CCDC183: variants seen among roughly 807,000 people sequenced by gnomAD.
CCDC183 encodes coiled-coil domain containing 183.
CCDC183 carries 63 observed loss-of-function variants against 65.2 expected under a neutral mutation model. The ratio of observed to expected loss-of-function variants is 0.97; its 90% CI spans 0.79 to 1.19. The LOEUF is 1.19. CCDC183 is among the 50% of genes most tolerant of loss of function. The pLI is 0.00. For synonymous variants in CCDC183, 323 were observed against 276.5 expected, an observed-to-expected ratio of 1.17 and a Z score of -1.67; for missense variants, 769 against 689.3, an observed-to-expected ratio of 1.12 and a Z score of -1.30.
intron 5 of CCDC183, 87 bp from the exon 6 acceptor site, chr9:136,802,577 T>C (rs1192975418): frequency 6.6e-7 from 1 of 1,518,616 alleles, no homozygotes; most frequent in Non-Finnish European, 8.8e-7. Flanking sequence ...CCTATCACTG[T>C]TCTCAGGGCT....
chr9:136,801,942 C>G (rs12339954), intron 5 of CCDC183, among the ~76,000 whole-genome samples: 1,532 of 152,040 alleles, frequency 0.01, 28 homozygotes, highest in African/African-American at 0.035. Flanking sequence ...CGCCCACTAC[C>G]ACGCCCGGCT....
rs778005681 is a variant in CCDC183, at chr9:136,804,507, C to T, written c.672C>T (p.Asn224=). The T allele has an allele frequency of 3.1e-6, 5 of 1,612,638 alleles. No individual in the cohort carries two copies. The highest frequency in any genetic ancestry group is 4.2e-6 in the Non-Finnish European group (5 of 1,179,772). Residue 224 remains asparagine (N), a synonymous_variant, in exon 7 of 14, where the codon AAC becomes AAT. Transcript: ENST00000338005. The surrounding 1 kb of genome is among the most constrained non-coding windows in gnomAD (Gnocchi z 4.1). ...AMMITDEVKR[N]MRQREASFIE... ...GCCCACCCGCATGTCCCCAGAGGAACATGAGGCAAAGGGAGGCGTCCTTCA... is the reference window on the plus strand; with the variant it reads ...GCCCACCCGCATGTCCCCAGAGGAATATGAGGCAAAGGGAGGCGTCCTTCA...
chr9:136,805,387 T>A lies in CCDC183; in HGVS notation c.878T>A (p.Met293Lys), dbSNP rs191696565. ...AGAAAAGAGACCTCCACAGCAGAAA[T>A]GGAATACCAGTCGGGCGTGACTGCT... is the stretch of plus-strand genomic sequence containing the variant. ...LRRKETSTAE[M>K]EYQSGVTAVV... is the part of the protein sequence containing the mutation. Residue 293 changes from methionine to lysine, a missense_variant, in exon 9 of 14, where the codon ATG becomes AAG. Coordinates refer to ENST00000338005, the MANE Select transcript of CCDC183 (RefSeq NM_001039374.5). 4 of 1,613,824 alleles carry A rather than the reference T, an allele frequency of 2.5e-6. No individual in the cohort carries two copies. Among genetic ancestry groups the A allele is most frequent in the African/African-American group, 1.3e-5 (1 of 74,982 alleles).
chr9:136,799,896 C>T, intron 3 of CCDC183, 106 bp downstream of exon 3: 1 of 1,516,014 alleles, frequency 6.6e-7, no homozygotes, highest in Non-Finnish European at 9.0e-7. Context: ...TGCCCAGCCC[C>T]AGGTTCCCTG....
At position 136,804,773 on chromosome 9, in the gene CCDC183, C is replaced by G. The variant is rs750605961; in HGVS notation, c.804C>G (p.Asp268Glu). 6.2e-7 allele frequency: 1 copy of G among 1,613,808 alleles called. No homozygotes were observed. The highest frequency in any genetic ancestry group is 8.5e-7 in the Non-Finnish European group (1 of 1,179,912). The change falls in exon 8 of 14, where the codon GAC becomes GAG. Residue 268 changes from aspartate to glutamate, a missense_variant. Physicochemically the swap from Asp to Glu is conservative, Grantham distance 45. Transcript: ENST00000338005. This position sits in a 1 kb window ranked among gnomAD's most constrained non-coding sequence, Gnocchi z 4.1. ...TSEKYRRGQMDLDFPSNLMST... is the reference protein window; with the variant it reads ...TSEKYRRGQMELDFPSNLMST... The stretch of plus-strand genomic sequence containing the variant: ...CCACCTCCCATCAGGGCCAGATGGA[C>G]TTGGACTTCCCCTCGAACCTGATGA...
chr9:136,800,370 C>T lies in CCDC183; in HGVS notation c.439-19C>T, dbSNP rs57277737. The T allele has an allele frequency of 0.034, 54,553 of 1,593,434 alleles. 1,436 individuals carry two copies. The highest frequency in any genetic ancestry group is 0.13 in the East Asian group (5,958 of 44,454). Reference sequence around the variant, plus strand: ...GGCCGGTCCCCACGCCCTCTCACTGCGCCCTCGGTCCGCCCCAGATCATCC... The same window carrying T: ...GGCCGGTCCCCACGCCCTCTCACTGTGCCCTCGGTCCGCCCCAGATCATCC... On this transcript the variant is annotated intron_variant, in intron 4 of 13. Transcript: ENST00000338005.
At position 136,800,038 on chromosome 9, in the gene CCDC183, C is replaced by T; in HGVS notation, c.307C>T (p.Arg103Cys). The change falls in exon 4 of 14, where the codon CGC becomes TGC. Residue 103 changes from arginine (R) to cysteine (C), a missense_variant. Transcript: ENST00000338005. The part of the protein sequence containing the change: ...REKLRKYVFD[R>C]VNMHNLLIHL... Reference sequence around the variant, plus strand: ...GAAGCTGCGCAAGTACGTCTTCGACCGCGTGAACATGCACAACCTACTGAT... The same window carrying T: ...GAAGCTGCGCAAGTACGTCTTCGACTGCGTGAACATGCACAACCTACTGAT... 1.3e-6 allele frequency: 2 copies of T among 1,589,518 alleles called. No individual in the cohort carries two copies. The highest frequency in any genetic ancestry group is 1.1e-5 in the South Asian group (1 of 87,488).
rs766626556 is a variant in CCDC183 at position 136,800,469 on chromosome 9, G to T, written c.519G>T (p.Leu173Phe). ...ITSQNIHLLY[L>F]DLLDYLKTVL... ...GCCAGAACATCCACCTGCTGTATTT[G>T]GACCTGCTGGATTATCTGAAGACAG... is the stretch of plus-strand genomic sequence containing the variant. The change falls in exon 5 of 14, where the codon TTG (leucine) becomes TTT (phenylalanine). Residue 173 changes from leucine (L) to phenylalanine (F), a missense_variant. Transcript: ENST00000338005. 4.3e-6 allele frequency: 7 copies of T among 1,611,892 alleles called. No individual in the cohort carries two copies. Among genetic ancestry groups the T allele is most frequent in the Non-Finnish European group, 5.9e-6 (7 of 1,178,810 alleles).
chr9:136,799,608 T>C, intron 2 of CCDC183, 105 bp from the exon 3 acceptor site: 2 of 965,180 alleles, frequency 2.1e-6, no homozygotes, highest in South Asian at 1.5e-5. Context: ...ATCTCGCTAC[T>C]GGGCTAGCGT....
chr9:136,797,075 C>T lies in CCDC183; in HGVS notation c.70+608C>T, dbSNP rs552747465. On this transcript the variant is annotated intron_variant, in intron 1 of 13. Transcript: ENST00000338005. The stretch of plus-strand genomic sequence containing the variant: ...CAGTGTAAAGCCGACCATTCCCATT[C>T]GTTCTATTCTAAGATAGGAGAAAAC... Among the ~76,000 whole-genome samples the T allele has an allele frequency of 1.0e-3, 153 of 152,292 alleles. 1 individual carries two copies. The Middle Eastern group carries it at 0.024, about 24-fold the overall frequency.
At chr9:136,800,938 G>T (rs1241650066) in intron 5 of CCDC183, among the ~76,000 whole-genome samples, 1 of 152,222 alleles carries the variant, frequency 6.6e-6, no homozygotes, top group Non-Finnish European at 1.5e-5. Context: ...TGTGAGGGAA[G>T]ACCCCCTTCA....
At position 136,803,161 on chromosome 9, in the gene CCDC183, GCCAGCC is replaced by G. The variant is rs1847770485; in HGVS notation, c.666+377_666+382del. Reference sequence around the variant, plus strand: ...GGGCCCAGGGCTGGGGCCCCCCAGGGCCAGCCCTCTTGGATCTTCGGATGGGGTCAA... The same window carrying G: ...GGGCCCAGGGCTGGGGCCCCCCAGGGCTCTTGGATCTTCGGATGGGGTCAA... On this transcript the variant is annotated intron_variant, in intron 6 of 13. Transcript: ENST00000338005. 3.7e-5 allele frequency among the ~76,000 whole-genome samples: 2 copies of G among 53,778 alleles called. 1 individual carries two copies. Among genetic ancestry groups the G allele is most frequent in the East Asian group, 7.6e-4 (2 of 2,646 alleles). The allele number at this position is 53,778 out of a possible 152,430, so 35.3% of individuals were successfully genotyped here. A position where few individuals can be genotyped will look rare whatever the true frequency, so the allele number is the denominator to read the frequency against.
chr9:136,806,409 G>A, intron 10 of CCDC183, 95 bp from the exon 11 acceptor site: 10 of 1,524,570 alleles, frequency 6.6e-6, no homozygotes, highest in Non-Finnish European at 9.0e-6. Flanking sequence ...CCCTGATTCT[G>A]GCACAGCACC....
Position 136,804,480 on chromosome 9 carries a change from G to T in CCDC183, c.667-22G>T. 6.2e-7 allele frequency: 1 copy of T among 1,608,906 alleles called. No individual in the cohort carries two copies. The highest frequency in any genetic ancestry group is 8.5e-7 in the Non-Finnish European group (1 of 1,178,570). On this transcript the variant is annotated intron_variant, in intron 6 of 13. Coordinates refer to ENST00000338005, the MANE Select transcript of CCDC183 (RefSeq NM_001039374.5). The surrounding 1 kb of genome is among the most constrained non-coding windows in gnomAD (Gnocchi z 4.1). Reference sequence around the variant, plus strand: ...CTTGTTGAGACAGCTCCCCAACCCTGTGCCCACCCGCATGTCCCCAGAGGA... The same window carrying T: ...CTTGTTGAGACAGCTCCCCAACCCTTTGCCCACCCGCATGTCCCCAGAGGA...
At position 136,804,953 on chromosome 9, in the gene CCDC183, G is replaced by C. The variant is rs915998928; in HGVS notation, c.847+137G>C. On this transcript the variant is annotated intron_variant, in intron 8 of 13. Transcript: ENST00000338005. This position sits in a 1 kb window ranked among gnomAD's most constrained non-coding sequence, Gnocchi z 4.1. ...AGGGTGAAGGGAAGGACAGGTCCCT[G>C]CCTCTCCCTCCAGAGGCTGAGAGCC... 5.5e-6 allele frequency: 4 copies of C among 723,024 alleles called. No individual in the cohort carries two copies. Among genetic ancestry groups the C allele is most frequent in the Admixed American group, 2.7e-5 (1 of 37,558 alleles). The allele number at this position is 723,024 out of a possible 1,614,324, so 44.8% of individuals were successfully genotyped here. A position where few individuals can be genotyped will look rare whatever the true frequency, so the allele number is the denominator to read the frequency against.
At chr9:136,799,346 G>A (rs1847701133) in intron 2 of CCDC183, 123 bp downstream of exon 2, 2 of 1,394,500 alleles carry the variant, frequency 1.4e-6, no homozygotes, top group Admixed American at 5.6e-5. Flanking sequence ...CAGGGGGCAT[G>A]TGAGGAGGGG....
chr9:136,807,502 CG>C (rs1847882562), intron 13 of CCDC183, 69 bp from the exon 14 acceptor site: 12 of 1,483,532 alleles, frequency 8.1e-6, no homozygotes, highest in Non-Finnish European at 1.1e-5. Context: ...AGGGCGGGGG[CG>C]AGAGGCGGGT....
Position 136,806,073 on chromosome 9 carries a change from G to C in CCDC183, c.949-5G>C. The C allele has an allele frequency of 6.5e-7, 1 of 1,549,002 alleles. No homozygotes were observed. Among genetic ancestry groups the C allele is most frequent in the Non-Finnish European group, 8.7e-7 (1 of 1,146,760 alleles). ...ACCTGCTTCTCTCTCCCCCGGACTG[G>C]CCAGGACATCACTAGCCGCTTCCTG... is the stretch of plus-strand genomic sequence containing the variant. On this transcript the variant is annotated splice_region_variant and splice_polypyrimidine_tract_variant and intron_variant, in intron 9 of 13. Transcript: ENST00000338005.
At position 136,800,071 on chromosome 9, in the gene CCDC183, G is replaced by C; in HGVS notation, c.340G>C (p.Val114Leu). Residue 114 changes from valine to leucine, a missense_variant, in exon 4 of 14, where the codon GTG becomes CTG. Transcript: ENST00000338005. ...CATGCACAACCTACTGATCCACCTG[G>C]TGCGGCGGCGCGGGCAGAAGCTGGA... ...VNMHNLLIHL[V>L]RRRGQKLESM... 6.3e-7 allele frequency: 1 copy of C among 1,577,108 alleles called. No homozygotes were observed. Among genetic ancestry groups the C allele is most frequent in the Non-Finnish European group, 8.6e-7 (1 of 1,162,788 alleles).
Sources: allele counts gnomAD v4.1 joint callset (sites outside exome capture counted in the v4.1 genomes callset), GRCh38; gene constraint gnomAD v4.1.1; non-coding constraint Gnocchi (gnomAD v3.1); transcripts MANE v1.5; gene names NCBI Gene and HGNC (gene_info 2026-07-23, HGNC 2026-07-21).